Variants in CORIN observed in about 807,000 individuals in gnomAD.
CORIN encodes atrial natriuretic peptide-converting enzyme.
In CORIN, 117 loss-of-function variants were observed where a neutral mutation model predicts 125.3. The ratio of observed to expected loss-of-function variants is 0.93; its 90% CI spans 0.80 to 1.09. The LOEUF is 1.09. Among genes scored for constraint, CORIN ranks in the 50% least tolerant of loss-of-function variants. CORIN has a pLI of 0.00. For synonymous variants in CORIN, 450 were observed against 466.4 expected, an observed-to-expected ratio of 0.96 and a Z score of 0.45; for missense variants, 1,253 against 1,306.7, an observed-to-expected ratio of 0.96 and a Z score of 0.63.
intron 11 of CORIN, among the ~76,000 whole-genome samples, chr4:47,664,595 C>T (rs1031442861): frequency 1.3e-5 from 2 of 152,288 alleles, no homozygotes; most frequent in East Asian, 1.9e-4. Context: ...CAATGTCCAT[C>T]GCTGTCCAAT....
chr4:47,607,963 A>T (rs80217638), intron 19 of CORIN, among the ~76,000 whole-genome samples: 2 of 151,000 alleles, frequency 1.3e-5, no homozygotes, highest in Admixed American at 1.3e-4. Flanking sequence ...AAGAAAAAAA[A>T]AAAAAGTACC....
intron 20 of CORIN, 39 bp downstream of exon 20, chr4:47,603,358 C>T: frequency 1.3e-6 from 2 of 1,594,078 alleles, no homozygotes; most frequent in Non-Finnish European, 1.7e-6. Flanking sequence ...CAGGTATGTG[C>T]TTATAGCAGC....
intron 3 of CORIN, among the ~76,000 whole-genome samples, chr4:47,768,341 T>C (rs537767592): frequency 2.7e-4 from 41 of 152,298 alleles, no homozygotes; most frequent in Admixed American, 2.4e-3. Flanking sequence ...TAACAAAAAG[T>C]CTTCCATCAC....
At chr4:47,805,267 T>C (rs1431503973) in intron 2 of CORIN, among the ~76,000 whole-genome samples, 1 of 152,086 alleles carries the variant, frequency 6.6e-6, no homozygotes, top group Non-Finnish European at 1.5e-5. Context: ...TTTTTCATGA[T>C]GTGGTTATTG....
At chr4:47,761,007 C>G (rs1188587247) in intron 4 of CORIN, among the ~76,000 whole-genome samples, 2 of 152,196 alleles carry the variant, frequency 1.3e-5, no homozygotes, top group Admixed American at 1.3e-4. Context: ...GAGTTACAAT[C>G]TTGCTCTAGA....
intron 1 of CORIN, among the ~76,000 whole-genome samples, chr4:47,836,315 A>C (rs1206338131): frequency 6.7e-5 from 4 of 59,676 alleles, no homozygotes; most frequent in Non-Finnish European, 1.4e-4. Flanking sequence ...TGACTGTGAC[A>C]AAAAAAAATG....
chr4:47,773,598 C>A (rs952686745), intron 3 of CORIN, among the ~76,000 whole-genome samples: 11 of 151,872 alleles, frequency 7.2e-5, no homozygotes, highest in African/African-American at 2.7e-4. Flanking sequence ...CAATTGTTTA[C>A]CTTTTTACTC....
intron 12 of CORIN, among the ~76,000 whole-genome samples, chr4:47,659,916 G>A (rs936521686): frequency 4.6e-5 from 7 of 151,994 alleles, no homozygotes; most frequent in Non-Finnish European, 1.5e-5. Flanking sequence ...AGAACTAGAG[G>A]AATCACATTA....
intron 10 of CORIN, among the ~76,000 whole-genome samples, chr4:47,670,952 G>A (rs909345483): frequency 6.6e-6 from 1 of 152,114 alleles, no homozygotes; most frequent in South Asian, 2.1e-4. Flanking sequence ...AAGAAATGTG[G>A]TTTTTAGGCT....
Position 47,663,513 on chromosome 4 carries a change from T to C in CORIN, c.1589+1519A>G, listed in dbSNP as rs1724342432. ...CCTGAAAAAAAGAAATAAATTTATC[T>C]AAAAGAAATTTACCAAAATTTTGAT... is the stretch of plus-strand genomic sequence containing the variant. On this transcript the variant is annotated intron_variant, in intron 11 of 21. Transcript: ENST00000273857. Among the ~76,000 whole-genome samples the C allele has an allele frequency of 3.9e-5, 6 of 152,252 alleles. No individual in the cohort carries two copies. In the South Asian group the frequency reaches 1.2e-3, roughly 32 times the overall value.
chr4:47,688,312 T>C (rs919425044), intron 6 of CORIN, among the ~76,000 whole-genome samples: 1 of 152,150 alleles, frequency 6.6e-6, no homozygotes, highest in Admixed American at 6.5e-5. Flanking sequence ...TAAAATACCA[T>C]ATTTAGGCTG....
chr4:47,808,257 A>G (rs1361620205), intron 1 of CORIN, among the ~76,000 whole-genome samples: 1 of 152,120 alleles, frequency 6.6e-6, no homozygotes, highest in Non-Finnish European at 1.5e-5. Context: ...CTTCCTCTTA[A>G]TAAATACCAA....
At chr4:47,643,114 A>T (rs1723305322) in intron 15 of CORIN, 32 bp downstream of exon 15, 2 of 1,613,886 alleles carry the variant, frequency 1.2e-6, no homozygotes, top group Non-Finnish European at 1.7e-6. Context: ...GGCATGAGAG[A>T]GTACAACAGA....
chr4:47,793,096 A>G (rs962024350), intron 2 of CORIN, among the ~76,000 whole-genome samples: 2 of 151,998 alleles, frequency 1.3e-5, no homozygotes, highest in East Asian at 3.9e-4. Context: ...TTCAGGGGGG[A>G]AAAAGCCCAA....
chr4:47,680,038 G>T, intron 8 of CORIN, 103 bp downstream of exon 8: 1 of 668,096 alleles, frequency 1.5e-6, no homozygotes, highest in Non-Finnish European at 2.6e-6. Flanking sequence ...CCCTTGGAAT[G>T]CTGTGTATAT....
At position 47,665,084 on chromosome 4, in the gene CORIN, TG is replaced by T. The variant is rs1317678617; in HGVS notation, c.1536del (p.Ile513PhefsTer8). The T allele has an allele frequency of 6.2e-7, 1 of 1,613,790 alleles. No homozygotes were observed. Reference protein sequence around the residue: ...CYKYLMFFSCTILVPKCDVNT... With the variant: ...CYKYLMFFSCXILVPKCDVNT... ...TTCACATCACATTTTGGTACCAAAA[TG>T]GTGCAAGAAAAGAACATGAGGTATT... On this transcript the variant is annotated frameshift_variant, in exon 11 of 22. Transcript: ENST00000273857. LOFTEE classifies it high-confidence loss of function.
At chr4:47,624,379 G>A (rs1293729595) in intron 17 of CORIN, among the ~76,000 whole-genome samples, 1 of 152,086 alleles carries the variant, frequency 6.6e-6, no homozygotes, top group Non-Finnish European at 1.5e-5. Context: ...AGATTTTTAT[G>A]CTTATACAAA....
chr4:47,738,315 T>C (rs1347248168), intron 5 of CORIN, among the ~76,000 whole-genome samples: 1 of 152,202 alleles, frequency 6.6e-6, no homozygotes, highest in Non-Finnish European at 1.5e-5. Flanking sequence ...GCATTGACTC[T>C]GCTATAGTGT....
rs1318358698 is a variant in CORIN at position 47,692,995 on chromosome 4, G to A, written c.888C>T (p.Asp296=). ...KLQCNGYNDC[D]DWSDEAHCNC... is the part of the protein sequence containing the mutation. Reference sequence around the variant, plus strand: ...TGCAATGAGCCTCGTCACTCCAGTCGTCACAGTCGTTGTAGCCATTACATT... The same window carrying A: ...TGCAATGAGCCTCGTCACTCCAGTCATCACAGTCGTTGTAGCCATTACATT... The change falls in exon 6 of 22, where the codon GAC becomes GAT. Residue 296 remains aspartate, a synonymous_variant. Transcript: ENST00000273857. The A allele has an allele frequency of 3.1e-6, 5 of 1,613,542 alleles. No individual in the cohort carries two copies. The highest frequency in any genetic ancestry group is 2.5e-6 in the Non-Finnish European group (3 of 1,179,656).
Sources: gnomAD v4.1 joint callset for allele counts (sites outside exome capture counted in the v4.1 genomes callset) on GRCh38, gnomAD v4.1.1 for gene constraint, MANE v1.5 for transcripts, NCBI Gene and HGNC (gene_info 2026-07-23, HGNC 2026-07-21) for gene names.